Variants in MEGF6 observed in about 807,000 individuals in gnomAD.
MEGF6 encodes multiple EGF like domains 6.
Under a neutral mutation model 207.1 loss-of-function variants are expected in MEGF6, and 184 were observed. That is an observed-to-expected ratio of 0.89 (90% CI 0.79 to 1.00). The LOEUF (loss-of-function observed/expected upper bound fraction) is 1.00. MEGF6 is among the 50% of genes least tolerant of loss of function. The pLI is 0.00. For missense variants in MEGF6, 2,282 were observed against 2,202.9 expected (o/e 1.04, Z -0.72); for synonymous variants, 1,038 against 910.0 (o/e 1.14, Z -2.53).
At chr1:3,595,206 G>T (rs1557805225) in intron 3 of MEGF6, 132 bp downstream of exon 3, 1 of 626,452 alleles carries the variant, frequency 1.6e-6, no homozygotes, top group East Asian at 2.9e-5. Context: ...GCGTTGCTGA[G>T]CGAGTGTTCC....
intron 3 of MEGF6, among the ~76,000 whole-genome samples, chr1:3,593,981 C>T (rs1012138109): frequency 1.3e-5 from 2 of 152,178 alleles, no homozygotes; most frequent in Non-Finnish European, 2.9e-5. Context: ...CGGGCCAGGA[C>T]GGGCAACTTC....
intron 17 of MEGF6, among the ~76,000 whole-genome samples, chr1:3,502,383 TC>T (rs1569969455): frequency 2.0e-5 from 3 of 152,030 alleles, no homozygotes; most frequent in African/African-American, 7.2e-5. Flanking sequence ...GGCCAGTGTG[TC>T]CCCAGTCCAA....
At position 3,500,604 on chromosome 1, in the gene MEGF6, T is replaced by C. The variant is rs969591246; in HGVS notation, c.2707+29A>G. 3.3e-6 allele frequency: 5 copies of C among 1,538,074 alleles called. No individual in the cohort carries two copies. The African/African-American group carries it at 6.9e-5, about 21-fold the overall frequency. On this transcript the variant is annotated intron_variant, in intron 21 of 36. Coordinates refer to ENST00000356575, the MANE Select transcript of MEGF6 (RefSeq NM_001409.4). ...GTGTGCGTGTGCGCACTCAGGAGGG[T>C]GGCAGCCAAAGGCAGGGCCGGGACT...
intron 15 of MEGF6, 147 bp downstream of exon 15, chr1:3,505,961 T>C (rs1184488625): frequency 4.5e-6 from 5 of 1,121,836 alleles, no homozygotes; most frequent in African/African-American, 3.1e-5. Flanking sequence ...CACAGACTCA[T>C]GGCGGACCCC....
intron 2 of MEGF6, among the ~76,000 whole-genome samples, chr1:3,601,546 G>A (rs1039953653): frequency 5.9e-5 from 9 of 152,146 alleles, no homozygotes; most frequent in Admixed American, 2.0e-4. Context: ...TCGTCTGTTC[G>A]GGGGGTCGTC....
At chr1:3,493,688 C>T (rs1463058144) in intron 34 of MEGF6, 83 bp downstream of exon 34, 7 of 1,543,774 alleles carry the variant, frequency 4.5e-6, no homozygotes, top group South Asian at 1.2e-5. Context: ...CCAGGACTGG[C>T]ACAGGTAGGG....
intron 4 of MEGF6, among the ~76,000 whole-genome samples, chr1:3,553,794 G>A (rs1269425680): frequency 6.6e-6 from 1 of 152,206 alleles, no homozygotes; most frequent in Non-Finnish European, 1.5e-5. Context: ...CCCTGCACTG[G>A]AAAGTCACCC....
chr1:3,490,942 G>A lies in MEGF6; in HGVS notation c.4534C>T (p.Pro1512Ser), dbSNP rs772519349. The A allele has an allele frequency of 3.1e-6, 5 of 1,601,354 alleles. No homozygotes were observed. The highest frequency in any genetic ancestry group is 4.3e-6 in the Non-Finnish European group (5 of 1,175,940). ...CCCTGGGCTAAGGACGGGTTCTCGG[G>A]GAGCCGGAGGGGCCCACCTGGAGGG... ...TCREGGPLRL[P>S]ENPSLAQGSA... Residue 1512 changes from proline (P) to serine (S), a missense_variant, in exon 36 of 37, where the codon CCC becomes TCC. Pro to Ser is a moderately conservative substitution (Grantham distance 74, BLOSUM62 -1). Coordinates refer to ENST00000356575, the MANE Select transcript of MEGF6 (RefSeq NM_001409.4).
At chr1:3,583,157 G>A (rs1488253207) in intron 3 of MEGF6, among the ~76,000 whole-genome samples, 1 of 152,166 alleles carries the variant, frequency 6.6e-6, no homozygotes, top group East Asian at 1.9e-4. Flanking sequence ...AATACTACGA[G>A]GCTCTAAAAC....
rs767025275 is a variant in MEGF6 at position 3,488,069 on chromosome 1, TATC to T, written c.*2456_*2458del. 2.0e-4 allele frequency among the ~76,000 whole-genome samples: 31 copies of T among 152,340 alleles called. No homozygotes were observed. The highest frequency in any genetic ancestry group is 1.2e-3 in the East Asian group (6 of 5,190). ...AGTGATCAAATCAGGGTAATGAGCA[TATC>T]ATCATCTCAAGCGTTTATTATGTGT... On this transcript the variant is annotated 3_prime_UTR_variant, in exon 37 of 37. Transcript: ENST00000356575.
intron 4 of MEGF6, among the ~76,000 whole-genome samples, chr1:3,533,229 G>A (rs1377037013): frequency 1.3e-5 from 2 of 152,198 alleles, no homozygotes; most frequent in African/African-American, 4.8e-5. Context: ...GTCTCACCTT[G>A]CCCCGTCCTG....
chr1:3,499,297 G>A, intron 23 of MEGF6, 31 bp from the exon 24 acceptor site: 1 of 1,583,880 alleles, frequency 6.3e-7, no homozygotes, highest in Non-Finnish European at 8.6e-7. Flanking sequence ...TCAGAGCCAG[G>A]GGTGGGCAGG....
intron 5 of MEGF6, among the ~76,000 whole-genome samples, chr1:3,516,917 G>A (rs1570024940): frequency 1.3e-5 from 2 of 152,176 alleles, no homozygotes; most frequent in South Asian, 4.1e-4. Flanking sequence ...GGAACCCAGG[G>A]CAGAACTCAG....
Position 3,509,193 on chromosome 1 carries a change from G to C in MEGF6, c.1410C>G (p.Pro470=), listed in dbSNP as rs1191703390. Residue 470 remains proline (P), a synonymous_variant, in exon 12 of 37, where the codon CCC becomes CCG. Coordinates refer to ENST00000356575, the MANE Select transcript of MEGF6 (RefSeq NM_001409.4). ...CCTGGAGCACGGCAATGTGGGGCAG[G>C]GGCCGCACGAAAGGCAGCTCGCCGT... ...DLDGELPFVR[P]LPHIAVLQDE... The C allele has an allele frequency of 2.5e-6, 4 of 1,570,802 alleles. No homozygotes were observed. Among genetic ancestry groups the C allele is most frequent in the Admixed American group, 3.7e-5 (2 of 54,258 alleles).
chr1:3,593,246 C>T (rs900269036), intron 3 of MEGF6, among the ~76,000 whole-genome samples: 2 of 152,084 alleles, frequency 1.3e-5, no homozygotes, highest in South Asian at 2.1e-4. Flanking sequence ...GAACCAGCCT[C>T]GGGGGACGAC....
rs75437464 is a variant in MEGF6 at position 3,586,669 on chromosome 1, G to A, written c.377-6740C>T. Among the ~76,000 whole-genome samples the A allele has an allele frequency of 6.7e-3, 1,028 of 152,302 alleles. 9 individuals carry two copies. Among genetic ancestry groups the A allele is most frequent in the African/African-American group, 0.024 (980 of 41,542 alleles). On this transcript the variant is annotated intron_variant, in intron 3 of 36. Coordinates refer to ENST00000356575, the MANE Select transcript of MEGF6 (RefSeq NM_001409.4). Reference sequence around the variant, plus strand: ...ACGCTGGGACTCGGGGCTGGCATGCGGCCCGAACGGAAAAGGAAAAGCAAA... The same window carrying A: ...ACGCTGGGACTCGGGGCTGGCATGCAGCCCGAACGGAAAAGGAAAAGCAAA...
At chr1:3,536,514 G>A (rs773324563) in intron 4 of MEGF6, among the ~76,000 whole-genome samples, 4 of 152,162 alleles carry the variant, frequency 2.6e-5, no homozygotes, top group Non-Finnish European at 4.4e-5. Flanking sequence ...GCAGCCCACC[G>A]GTAGAGAGCG....
At chr1:3,599,701 A>C (rs1363906769) in intron 2 of MEGF6, among the ~76,000 whole-genome samples, 3 of 152,176 alleles carry the variant, frequency 2.0e-5, no homozygotes, top group Non-Finnish European at 4.4e-5. Context: ...GCGAGGTGGC[A>C]GATGGAGGTG....
rs749460921 is a variant in MEGF6, at chr1:3,611,244, C to T, written c.25G>A (p.Ala9Thr). The change falls in exon 1 of 37, where the codon GCA (alanine) becomes ACA (threonine). Residue 9 changes from alanine (A) to threonine (T), a missense_variant. Physicochemically the swap from Ala to Thr is moderately conservative, Grantham distance 58. Coordinates refer to ENST00000356575, the MANE Select transcript of MEGF6 (RefSeq NM_001409.4). ...GCCAGGACCACCGCGCGCCCCGCTG[C>T]CCTCGCCTCTTCAAGGAACGACATC... MSFLEEAR[A>T]AGRAVVLALV... 3.3e-6 allele frequency: 5 copies of T among 1,522,774 alleles called. No individual in the cohort carries two copies. The South Asian group carries it at 4.9e-5, about 15-fold the overall frequency. 94.3% of individuals were successfully genotyped at this position (1,522,774 alleles called of 1,614,324 possible). A position where few individuals can be genotyped will look rare whatever the true frequency, so the allele number is the denominator to read the frequency against.
Sources: allele counts gnomAD v4.1 joint callset (sites outside exome capture counted in the v4.1 genomes callset), GRCh38; gene constraint gnomAD v4.1.1; transcripts MANE v1.5; gene names NCBI Gene and HGNC (gene_info 2026-07-23, HGNC 2026-07-21).